The following GALNT2 variants were observed in gnomAD, a reference collection of about 807,000 sequenced individuals.
GALNT2 encodes UDP-GalNAc:polypeptide N-acetylgalactosaminyltransferase 2.
GALNT2 carries 31 observed loss-of-function variants against 81.4 expected under a neutral mutation model. The observed-to-expected ratio is 0.38, with a 90% CI of 0.29 to 0.51. GALNT2 has a LOEUF of 0.51. GALNT2 is among the 20% of genes least tolerant of loss of function. GALNT2 has a pLI of 0.87. For missense variants in GALNT2, 629 were observed against 765.7 expected (o/e 0.82, Z 2.11); for synonymous variants, 303 against 287.4 (o/e 1.05, Z -0.55).
At chr1:230,142,248 A>G (rs190734578) in intron 1 of GALNT2, among the ~76,000 whole-genome samples, 64 of 152,268 alleles carry the variant, frequency 4.2e-4, no homozygotes, top group South Asian at 6.2e-4. Context: ...CAGGAAGCAT[A>G]AGGGATGGCC....
intron 3 of GALNT2, among the ~76,000 whole-genome samples, chr1:230,222,807 T>C (rs1412516904): frequency 6.6e-6 from 1 of 152,186 alleles, no homozygotes; most frequent in African/African-American, 2.4e-5. Context: ...AGCAACCCTA[T>C]GAGGCATAGG....
chr1:230,188,810 G>A (rs1663425121), intron 2 of GALNT2, among the ~76,000 whole-genome samples: 1 of 152,006 alleles, frequency 6.6e-6, no homozygotes, highest in South Asian at 2.1e-4. Flanking sequence ...AATAGAGTAT[G>A]TATATTAGTC....
At chr1:230,223,428 T>C (rs1200336587) in intron 3 of GALNT2, among the ~76,000 whole-genome samples, 7 of 152,030 alleles carry the variant, frequency 4.6e-5, no homozygotes, top group Non-Finnish European at 1.5e-5. Flanking sequence ...AACCTGATGG[T>C]CTAAAGTTTA....
intron 1 of GALNT2, among the ~76,000 whole-genome samples, chr1:230,128,814 A>G (rs1661275355): frequency 6.6e-6 from 1 of 152,086 alleles, no homozygotes. Context: ...CTAAGCCCCC[A>G]TCTTCCTATA....
At chr1:230,086,080 C>T (rs1333075801) in intron 1 of GALNT2, among the ~76,000 whole-genome samples, 1 of 152,154 alleles carries the variant, frequency 6.6e-6, no homozygotes, top group African/African-American at 2.4e-5. Flanking sequence ...TTTCCGTCCA[C>T]CTTCATGGAA....
intron 1 of GALNT2, among the ~76,000 whole-genome samples, chr1:230,129,233 C>T (rs1166582569): frequency 2.0e-5 from 3 of 152,172 alleles, no homozygotes; most frequent in East Asian, 1.9e-4. Context: ...AGATATGCTG[C>T]GAATTTTTCT....
chr1:230,231,095 G>T (rs1239015093), intron 3 of GALNT2, among the ~76,000 whole-genome samples: 2 of 152,140 alleles, frequency 1.3e-5, no homozygotes, highest in African/African-American at 4.8e-5. Context: ...GCTGCATGTG[G>T]ACTTGGAAGA....
rs776690037 is a variant in GALNT2 at position 230,255,169 on chromosome 1, G to A, written c.1010-49G>A. 2.5e-6 allele frequency: 4 copies of A among 1,613,614 alleles called. No individual in the cohort carries two copies. The South Asian group carries it at 4.4e-5, about 18-fold the overall frequency. ...TGCTTGGTGTGTCTGCTGTTGCAGAGGTGCGTCCCAGGCTCTGTCAGTCAC... is the reference window on the plus strand; with the variant it reads ...TGCTTGGTGTGTCTGCTGTTGCAGAAGTGCGTCCCAGGCTCTGTCAGTCAC... On this transcript the variant is annotated intron_variant, in intron 10 of 15. Transcript: ENST00000366672.
At chr1:230,174,194 C>T (rs997109639) in intron 1 of GALNT2, among the ~76,000 whole-genome samples, 5 of 152,186 alleles carry the variant, frequency 3.3e-5, no homozygotes, top group Non-Finnish European at 7.4e-5. Context: ...CACCCACTGC[C>T]ATTGGCAGAG....
intron 3 of GALNT2, among the ~76,000 whole-genome samples, chr1:230,204,302 G>A (rs1663997152): frequency 6.6e-6 from 1 of 151,892 alleles, no homozygotes; most frequent in African/African-American, 2.4e-5. Flanking sequence ...CCGAGTATCT[G>A]GAATTACAGC....
At chr1:230,083,434 ATGGAGCAGGGAGCTGGGATGT>A (rs1659807678) in intron 1 of GALNT2, among the ~76,000 whole-genome samples, 1 of 148,270 alleles carries the variant, frequency 6.7e-6, no homozygotes, top group Non-Finnish European at 1.5e-5. Context: ...AGCCAAGATG[ATGGAGCAGGGAGCTGGGATGT>A]TGGAGCAGAC....
intron 1 of GALNT2, among the ~76,000 whole-genome samples, chr1:230,122,828 C>T (rs1661059597): frequency 6.6e-6 from 1 of 152,138 alleles, no homozygotes; most frequent in Non-Finnish European, 1.5e-5. Context: ...ATATTTATGT[C>T]TGCACGTACT....
chr1:230,072,335 G>A (rs1051494987), intron 1 of GALNT2, among the ~76,000 whole-genome samples: 3 of 149,290 alleles, frequency 2.0e-5, no homozygotes, highest in South Asian at 2.1e-4. Context: ...AGAGGCAGTG[G>A]GCTTAGTGAA....
At chr1:230,154,245 C>T (rs775117049) in intron 1 of GALNT2, among the ~76,000 whole-genome samples, 1 of 152,230 alleles carries the variant, frequency 6.6e-6, no homozygotes. Context: ...ATAGGCCCTT[C>T]GTCCACAGTG....
rs763404245 is a variant in GALNT2 at position 230,245,645 on chromosome 1, AT to A, written c.730-414del. ...ATATTCCTAATTTTGATGTATGAGC[AT>A]TTTAGCAGTGACTCCATTCCTGAAG... On this transcript the variant is annotated intron_variant, in intron 7 of 15. Transcript: ENST00000366672. Among the ~76,000 whole-genome samples, 7 of 152,206 alleles carry A rather than the reference AT, an allele frequency of 4.6e-5. No homozygotes were observed. In the East Asian group the frequency reaches 5.8e-4, roughly 13 times the overall value.
At chr1:230,251,028 A>G (rs924162781) in intron 10 of GALNT2, among the ~76,000 whole-genome samples, 5 of 152,168 alleles carry the variant, frequency 3.3e-5, no homozygotes, top group Admixed American at 2.0e-4. Flanking sequence ...AATGGTTCTC[A>G]TTTGTTTTTC....
chr1:230,160,181 T>G (rs144090510), intron 1 of GALNT2, among the ~76,000 whole-genome samples: 3 of 152,350 alleles, frequency 2.0e-5, no homozygotes, highest in Admixed American at 2.0e-4. Flanking sequence ...GATTCTACTG[T>G]TAGTATCAAG....
intron 8 of GALNT2, among the ~76,000 whole-genome samples, chr1:230,246,587 T>A (rs1665378010): frequency 6.6e-6 from 1 of 152,130 alleles, no homozygotes; most frequent in South Asian, 2.1e-4. Context: ...TTCTGGTTGC[T>A]CAGATGGAGA....
intron 3 of GALNT2, among the ~76,000 whole-genome samples, chr1:230,207,785 T>G (rs1364488442): frequency 6.6e-6 from 1 of 152,188 alleles, no homozygotes; most frequent in African/African-American, 2.4e-5. Context: ...CTTACTGTGT[T>G]GCCCAGGCTG....
Sources: allele counts gnomAD v4.1 joint callset (sites outside exome capture counted in the v4.1 genomes callset), GRCh38; gene constraint gnomAD v4.1.1; transcripts MANE v1.5; gene names NCBI Gene and HGNC (gene_info 2026-07-23, HGNC 2026-07-21).